The following DNAH5 variants were observed in gnomAD, a reference collection of about 807,000 sequenced individuals.
The protein encoded by DNAH5 is dynein axonemal heavy chain 5.
A neutral mutation model predicts 518.2 loss-of-function variants in DNAH5; 372 were observed. That is an observed-to-expected ratio of 0.72 (90% CI 0.66 to 0.78). The LOEUF is 0.78. Ranked by LOEUF, DNAH5 falls within the 30% of genes least tolerant of loss-of-function variation. The pLI is 0.00. For missense variants in DNAH5, 5,523 were observed against 5,687.0 expected, an observed-to-expected ratio of 0.97 and a Z score of 0.93; for synonymous variants, 2,039 against 2,025.9, an observed-to-expected ratio of 1.01 and a Z score of -0.17.
At position 13,720,980 on chromosome 5, in the gene DNAH5, A is replaced by G; in HGVS notation, c.12279+20T>C. ...TGTAATATGAACAGCATGGCACAAA[A>G]GTAGACTATTCAGCCTTACGTTCGC... On this transcript the variant is annotated intron_variant, in intron 71 of 78. Transcript: ENST00000265104. 6.2e-7 allele frequency: 1 copy of G among 1,614,134 alleles called. No homozygotes were observed. The highest frequency in any genetic ancestry group is 8.5e-7 in the Non-Finnish European group (1 of 1,179,948).
chr5:13,793,661 T>A lies in DNAH5; in HGVS notation c.8078A>T (p.Glu2693Val). 1 of 1,614,098 alleles carries A rather than the reference T, an allele frequency of 6.2e-7. No individual in the cohort carries two copies. The highest frequency in any genetic ancestry group is 8.5e-7 in the Non-Finnish European group (1 of 1,180,012). Residue 2693 changes from glutamate (E) to valine (V), a missense_variant, in exon 49 of 79, where the codon GAG becomes GTG. Physicochemically the swap from Glu to Val is moderately radical, Grantham distance 121. Transcript: ENST00000265104. ...NGFYNLEKPG[E>V]FTSIVDIQFL... ...CTGGATGTCCACGATGCTGGTGAAC[T>A]CCCCAGGCTTCTCTAGATTATAGAA...
At chr5:13,923,882 A>G (rs1008599955) in intron 3 of DNAH5, among the ~76,000 whole-genome samples, 1 of 150,374 alleles carries the variant, frequency 6.7e-6, no homozygotes, top group Non-Finnish European at 1.5e-5. Flanking sequence ...TGTCTCTACT[A>G]AAAAAAAACA....
chr5:13,978,690 TC>T (rs1047618364), intron 1 of DNAH5, among the ~76,000 whole-genome samples: 4 of 152,186 alleles, frequency 2.6e-5, no homozygotes, highest in African/African-American at 9.6e-5. Context: ...AAGCTGCTGT[TC>T]AGGTTTGTAG....
intron 1 of DNAH5, among the ~76,000 whole-genome samples, chr5:13,933,146 T>C (rs1360790890): frequency 1.3e-5 from 2 of 152,164 alleles, no homozygotes; most frequent in Non-Finnish European, 2.9e-5. Context: ...ACCACTGATA[T>C]GATACAGACA....
rs377490104 is a variant in DNAH5 at position 13,823,337 on chromosome 5, T to G, written c.6613A>C (p.Ile2205Leu). 2 of 1,613,778 alleles carry G rather than the reference T, an allele frequency of 1.2e-6. No homozygotes were observed. Residue 2205 changes from isoleucine (I) to leucine (L), a missense_variant, in exon 40 of 79, where the codon ATT (isoleucine) becomes CTT (leucine). By Grantham distance (5) the Ile-to-Leu change is conservative. Transcript: ENST00000265104. ...DEDEPLFLSL[I>L]EDLFPNILLD... is the part of the protein sequence containing the mutation. ...AGAATATTTGGAAAGAGATCTTCAATCAAACTCAAAAACAAGGGTTCATCC... is the reference window on the plus strand; with the variant it reads ...AGAATATTTGGAAAGAGATCTTCAAGCAAACTCAAAAACAAGGGTTCATCC...
At chr5:13,972,312 A>G (rs143826101) in intron 1 of DNAH5, among the ~76,000 whole-genome samples, 1 of 152,308 alleles carries the variant, frequency 6.6e-6, no homozygotes, top group South Asian at 2.1e-4. Flanking sequence ...TTCTATGCTC[A>G]TAGCTACACT....
rs1476421027 is a variant in DNAH5, at chr5:13,870,767, C to G, written c.3834G>C (p.Glu1278Asp). 3 of 1,610,094 alleles carry G rather than the reference C, an allele frequency of 1.9e-6. No homozygotes were observed. Among genetic ancestry groups the G allele is most frequent in the Non-Finnish European group, 2.5e-6 (3 of 1,176,786 alleles). Residue 1278 changes from glutamate (E) to aspartate (D), a missense_variant and splice_region_variant, in exon 24 of 79, where the codon GAG becomes GAC. Coordinates refer to ENST00000265104, the MANE Select transcript of DNAH5 (RefSeq NM_001369.3). ...ISIDFQVGPI[E>D]ESYALLNRYG... ...TAATGAACAAATGATCATTAGTTAC[C>G]TCAATAGGTCCTACTTGAAAGTCAA...
rs1310066123 is a variant in DNAH5, at chr5:13,916,352, A to G, written c.1193T>C (p.Val398Ala). The change falls in exon 9 of 79, where the codon GTA (valine) becomes GCA (alanine). Residue 398 changes from valine to alanine, a missense_variant. Physicochemically the swap from Val to Ala is moderately conservative, Grantham distance 64. Coordinates refer to ENST00000265104, the MANE Select transcript of DNAH5 (RefSeq NM_001369.3). Reference sequence around the variant, plus strand: ...GACTCTACATCATGCACTTACCTTTACAAACAGAGATGTGATCTTCTCAGA... The same window carrying G: ...GACTCTACATCATGCACTTACCTTTGCAAACAGAGATGTGATCTTCTCAGA... ...NTSEKITSLFVKVTNQIISAC... is the reference protein window; with the variant it reads ...NTSEKITSLFAKVTNQIISAC... 6.9e-7 allele frequency: 1 copy of G among 1,459,616 alleles called. No homozygotes were observed. 90.4% of individuals were successfully genotyped at this position (1,459,616 alleles called of 1,614,324 possible).
intron 40 of DNAH5, among the ~76,000 whole-genome samples, 184 bp downstream of exon 40, chr5:13,823,079 C>T (rs1762434895): frequency 6.6e-6 from 1 of 152,182 alleles, no homozygotes; most frequent in South Asian, 2.1e-4. Context: ...TGGTAGGAGA[C>T]CCAGGGCAAG....
At chr5:13,813,058 T>C (rs1760922952) in intron 43 of DNAH5, among the ~76,000 whole-genome samples, 1 of 152,170 alleles carries the variant, frequency 6.6e-6, no homozygotes, top group Non-Finnish European at 1.5e-5. Context: ...AACACAACTT[T>C]TCAATTACTC....
chr5:13,884,602 C>T (rs140901589), intron 19 of DNAH5, among the ~76,000 whole-genome samples: 19,337 of 152,250 alleles, frequency 0.13, 1,586 homozygotes, highest in Middle Eastern at 0.26. Flanking sequence ...TTTGGGAGGC[C>T]GGGGCGGGCG....
rs1742928792 is a variant in DNAH5 at position 13,707,327 on chromosome 5, TCTAAGCCCACA to T, written c.13338+785_13338+795del. ...ACTCAATAAAACCTTGCACCCGACCTCTAAGCCCACATGTGAGGCAATTTTTCCAGTACACT... is the reference window on the plus strand; with the variant it reads ...ACTCAATAAAACCTTGCACCCGACCTTGTGAGGCAATTTTTCCAGTACACT... On this transcript the variant is annotated intron_variant, in intron 76 of 78. Coordinates refer to ENST00000265104, the MANE Select transcript of DNAH5 (RefSeq NM_001369.3). This position sits in a 1 kb window ranked among gnomAD's most constrained non-coding sequence, Gnocchi z 4.0. Among the ~76,000 whole-genome samples, 1 of 152,122 alleles carries T rather than the reference TCTAAGCCCACA, an allele frequency of 6.6e-6. No individual in the cohort carries two copies. Among genetic ancestry groups the T allele is most frequent in the Non-Finnish European group, 1.5e-5 (1 of 68,012 alleles).
intron 78 of DNAH5, among the ~76,000 whole-genome samples, chr5:13,695,480 A>C (rs1741245190): frequency 6.6e-6 from 1 of 152,176 alleles, no homozygotes; most frequent in East Asian, 1.9e-4. Flanking sequence ...TTCAAGTTTC[A>C]TCCCAGGAAC....
intron 12 of DNAH5, among the ~76,000 whole-genome samples, chr5:13,906,348 T>C (rs1304770547): frequency 2.0e-5 from 3 of 152,154 alleles, no homozygotes; most frequent in Non-Finnish European, 2.9e-5. Flanking sequence ...GGCTATGCAT[T>C]CTGGGGGAGA....
chr5:13,866,546 G>C (rs988798928), intron 25 of DNAH5, among the ~76,000 whole-genome samples: 2 of 152,184 alleles, frequency 1.3e-5, no homozygotes, highest in Admixed American at 6.5e-5. Flanking sequence ...AGGTAACACA[G>C]GGAAAGAGGA....
chr5:13,926,883 T>C (rs1777924812), intron 3 of DNAH5, among the ~76,000 whole-genome samples: 1 of 152,218 alleles, frequency 6.6e-6, no homozygotes, highest in Non-Finnish European at 1.5e-5. Context: ...ACCTTCTATC[T>C]CTTGATTTTT....
Position 13,913,729 on chromosome 5 carries a change from T to A in DNAH5, c.1536+14A>T, listed in dbSNP as rs1245561414. On this transcript the variant is annotated intron_variant, in intron 11 of 78. Coordinates refer to ENST00000265104, the MANE Select transcript of DNAH5 (RefSeq NM_001369.3). ...GTGGATTATGTTATAAAATATAGCT[T>A]TAAAGTACAATACCTGGTATTTAGT... 1.2e-6 allele frequency: 2 copies of A among 1,612,836 alleles called. No homozygotes were observed. The highest frequency in any genetic ancestry group is 2.7e-5 in the African/African-American group (2 of 74,908).
At chr5:13,956,710 A>T (rs1251652403) in intron 1 of DNAH5, among the ~76,000 whole-genome samples, 1 of 152,230 alleles carries the variant, frequency 6.6e-6, no homozygotes, top group African/African-American at 2.4e-5. Flanking sequence ...TGAGGTTTAC[A>T]GCATGATTCA....
chr5:13,912,200 A>G (rs995684525), intron 11 of DNAH5, among the ~76,000 whole-genome samples: 10 of 152,134 alleles, frequency 6.6e-5, no homozygotes, highest in African/African-American at 2.4e-4. Context: ...AGGTGCCCAC[A>G]CTGTTGACAG....
Sources: gnomAD v4.1 joint callset for allele counts (sites outside exome capture counted in the v4.1 genomes callset) on GRCh38, gnomAD v4.1.1 for gene constraint, Gnocchi (gnomAD v3.1) non-coding constraint, MANE v1.5 for transcripts, NCBI Gene and HGNC (gene_info 2026-07-23, HGNC 2026-07-21) for gene names.